Variants in RSPO2 observed in about 807,000 individuals in gnomAD.
The protein encoded by RSPO2 is R-spondin 2.
Under a neutral mutation model 30.9 loss-of-function variants are expected in RSPO2, and 14 were observed. The observed-to-expected ratio is 0.45, with a 90% CI of 0.30 to 0.71. The LOEUF (loss-of-function observed/expected upper bound fraction) is 0.71, where lower values mean the gene tolerates loss of function less well. Ranked by LOEUF, RSPO2 falls within the 30% of genes least tolerant of loss-of-function variation. The pLI is 0.08. For synonymous variants in RSPO2, 107 were observed against 96.4 expected (o/e 1.11, Z -0.64); for missense variants, 264 against 301.9 (o/e 0.87, Z 0.93).
At chr8:108,002,361 C>T (rs1403929088) in intron 2 of RSPO2, among the ~76,000 whole-genome samples, 7 of 152,218 alleles carry the variant, frequency 4.6e-5, no homozygotes, top group Admixed American at 4.6e-4. Flanking sequence ...CCATAAAGTA[C>T]TTAAATACTT....
At chr8:108,055,338 C>T (rs942808839) in intron 2 of RSPO2, among the ~76,000 whole-genome samples, 10 of 152,016 alleles carry the variant, frequency 6.6e-5, no homozygotes, top group Non-Finnish European at 1.3e-4. Flanking sequence ...TTGGAGGAGG[C>T]AGAGGCAGAC....
chr8:107,983,388 C>G, intron 3 of RSPO2: 2 of 1,606,292 alleles, frequency 1.2e-6, no homozygotes, highest in Non-Finnish European at 1.7e-6. Flanking sequence ...AGAACACAGA[C>G]AAGGATGTAG....
chr8:107,996,460 T>G (rs548648258), intron 2 of RSPO2, among the ~76,000 whole-genome samples: 1 of 152,172 alleles, frequency 6.6e-6, no homozygotes, highest in Non-Finnish European at 1.5e-5. Context: ...AGAATTTATA[T>G]GCAGATTTGA....
chr8:108,034,764 G>A (rs1001436975), intron 2 of RSPO2, among the ~76,000 whole-genome samples: 107 of 150,936 alleles, frequency 7.1e-4, no homozygotes, highest in Non-Finnish European at 6.9e-4. Context: ...TCAAAGCTAC[G>A]TGATAATCAA....
intron 5 of RSPO2, among the ~76,000 whole-genome samples, chr8:107,920,853 A>C (rs1384809173): frequency 6.6e-6 from 1 of 152,158 alleles, no homozygotes; most frequent in Non-Finnish European, 1.5e-5. Context: ...TAAGTGCAAG[A>C]AGTTAAAACG....
At chr8:107,929,167 G>A (rs1812475362) in intron 5 of RSPO2, among the ~76,000 whole-genome samples, 1 of 152,134 alleles carries the variant, frequency 6.6e-6, no homozygotes, top group Non-Finnish European at 1.5e-5. Flanking sequence ...TGCTTTGGAT[G>A]GGATCCATTT....
At chr8:108,026,840 T>C (rs1382374452) in intron 2 of RSPO2, among the ~76,000 whole-genome samples, 4 of 152,094 alleles carry the variant, frequency 2.6e-5, no homozygotes, top group Admixed American at 2.6e-4. Context: ...CACTCCAGCC[T>C]GTGTGACAGA....
Position 107,954,581 on chromosome 8 carries a change from G to A in RSPO2, c.616+3499C>T, listed in dbSNP as rs1037000346. On this transcript the variant is annotated intron_variant, in intron 5 of 5. Coordinates refer to ENST00000276659, the MANE Select transcript of RSPO2 (RefSeq NM_178565.5). ...GTGTTCAATATTTTTTCCTTTCATT[G>A]TCCATCTTTTATTTATTTATTTATT... Among the ~76,000 whole-genome samples the A allele has an allele frequency of 2.0e-5, 3 of 148,714 alleles. No homozygotes were observed. In the Admixed American group the frequency reaches 2.0e-4, roughly 10 times the overall value.
chr8:108,031,139 T>A (rs1811405202), intron 2 of RSPO2, among the ~76,000 whole-genome samples: 1 of 152,234 alleles, frequency 6.6e-6, no homozygotes, highest in Admixed American at 6.5e-5. Flanking sequence ...ATTTCTAAAC[T>A]GGAACAAGCA....
At chr8:108,047,834 G>C (rs527678181) in intron 2 of RSPO2, among the ~76,000 whole-genome samples, 1 of 148,304 alleles carries the variant, frequency 6.7e-6, no homozygotes, top group South Asian at 2.2e-4. Flanking sequence ...ATGGGTGAGA[G>C]AGCAAGACTC....
rs1258316273 is a variant in RSPO2, at chr8:108,082,505, C to A, written c.94+40G>T. ...TGAGTGAGCGCCTCCACACGCCACCCCTGAAGCCCACCACGCACCTTTGGC... is the reference window on the plus strand; with the variant it reads ...TGAGTGAGCGCCTCCACACGCCACCACTGAAGCCCACCACGCACCTTTGGC... On this transcript the variant is annotated intron_variant, in intron 2 of 5. Transcript: ENST00000276659. The A allele has an allele frequency of 2.6e-6, 4 of 1,528,318 alleles. No homozygotes were observed. In the South Asian group the frequency reaches 3.4e-5, roughly 13 times the overall value. The allele number at this position is 1,528,318 out of a possible 1,614,324, so 94.7% of individuals were successfully genotyped here. A position where few individuals can be genotyped will look rare whatever the true frequency, so the allele number is the denominator to read the frequency against.
intron 5 of RSPO2, among the ~76,000 whole-genome samples, chr8:107,911,915 C>T (rs1811838955): frequency 6.6e-6 from 1 of 152,070 alleles, no homozygotes; most frequent in Non-Finnish European, 1.5e-5. Flanking sequence ...AGGGCATCAG[C>T]CTTCCTGCTC....
intron 5 of RSPO2, among the ~76,000 whole-genome samples, chr8:107,957,653 T>C (rs1236393570): frequency 6.6e-6 from 1 of 152,198 alleles, no homozygotes; most frequent in Non-Finnish European, 1.5e-5. Flanking sequence ...CATCTTCAAC[T>C]AGTAATGATA....
intron 2 of RSPO2, among the ~76,000 whole-genome samples, chr8:108,014,913 A>G (rs1316247957): frequency 1.3e-5 from 2 of 151,960 alleles, no homozygotes; most frequent in Admixed American, 6.6e-5. Context: ...ATTCGGGGGG[A>G]AAAAAGAACA....
At chr8:107,916,190 C>T (rs1811977789) in intron 5 of RSPO2, among the ~76,000 whole-genome samples, 1 of 152,138 alleles carries the variant, frequency 6.6e-6, no homozygotes, top group African/African-American at 2.4e-5. Flanking sequence ...CATGTGACTT[C>T]AAAATGTAGA....
At chr8:108,000,465 G>C (rs1160427937) in intron 2 of RSPO2, among the ~76,000 whole-genome samples, 1 of 152,072 alleles carries the variant, frequency 6.6e-6, no homozygotes, top group African/African-American at 2.4e-5. Context: ...GGCAATGAAA[G>C]GTACTTTTGA....
intron 2 of RSPO2, among the ~76,000 whole-genome samples, chr8:108,039,394 A>G (rs1239019998): frequency 6.6e-6 from 1 of 152,104 alleles, no homozygotes; most frequent in Non-Finnish European, 1.5e-5. Flanking sequence ...TAACCATCTT[A>G]TGAGTTCAAT....
intron 2 of RSPO2, among the ~76,000 whole-genome samples, chr8:108,013,369 A>C (rs1586627620): frequency 6.6e-6 from 1 of 152,194 alleles, no homozygotes; most frequent in South Asian, 2.1e-4. Context: ...GCTTGCCCTA[A>C]AATTTCTCCC....
At chr8:108,031,166 A>T (rs1004826977) in intron 2 of RSPO2, among the ~76,000 whole-genome samples, 3 of 152,218 alleles carry the variant, frequency 2.0e-5, no homozygotes, top group African/African-American at 7.2e-5. Flanking sequence ...GAACCAGTCT[A>T]TTTATAAATC....
Sources: gnomAD v4.1 joint callset for allele counts (sites outside exome capture counted in the v4.1 genomes callset) on GRCh38, gnomAD v4.1.1 for gene constraint, MANE v1.5 for transcripts, NCBI Gene and HGNC (gene_info 2026-07-23, HGNC 2026-07-21) for gene names.